The following GRM5 variants were observed in gnomAD, a reference collection of about 807,000 sequenced individuals.
GRM5 encodes glutamate metabotropic receptor 5.
Under a neutral mutation model 83.1 loss-of-function variants are expected in GRM5, and 19 were observed. The ratio of observed to expected loss-of-function variants is 0.23; its 90% CI spans 0.16 to 0.34. GRM5 has a LOEUF of 0.34. Ranked by LOEUF, GRM5 falls within the 10% of genes least tolerant of loss-of-function variation. GRM5 has a pLI of 1.00. For missense variants in GRM5, 1,160 were observed against 1,588.3 expected (o/e 0.73, Z 4.58); for synonymous variants, 675 against 633.6 (o/e 1.07, Z -0.98).
At chr11:88,948,110 C>A (rs1055671687) in intron 2 of GRM5, among the ~76,000 whole-genome samples, 1 of 152,052 alleles carries the variant, frequency 6.6e-6, no homozygotes, top group East Asian at 1.9e-4. Context: ...CCAGAGAAGT[C>A]CCGATTTTAT....
At chr11:88,900,149 GAT>G (rs1312755614) in intron 2 of GRM5, among the ~76,000 whole-genome samples, 1 of 152,086 alleles carries the variant, frequency 6.6e-6, no homozygotes, top group Non-Finnish European at 1.5e-5. Context: ...TTCTACCGTA[GAT>G]TGATAAAAAC....
At chr11:88,548,812 A>T (rs1354092871) in intron 8 of GRM5, among the ~76,000 whole-genome samples, 4 of 152,188 alleles carry the variant, frequency 2.6e-5, no homozygotes, top group African/African-American at 9.7e-5. Flanking sequence ...GTTGATTCAC[A>T]TTAAGGGAGG....
At chr11:88,654,231 G>A (rs1483136341) in intron 3 of GRM5, among the ~76,000 whole-genome samples, 1 of 152,078 alleles carries the variant, frequency 6.6e-6, no homozygotes. Flanking sequence ...TAATGCTAGA[G>A]GAGAGTATAA....
chr11:88,576,889 C>T (rs1453733826), intron 7 of GRM5, among the ~76,000 whole-genome samples: 1 of 152,124 alleles, frequency 6.6e-6, no homozygotes, highest in African/African-American at 2.4e-5. Context: ...TTTATCCTTG[C>T]TAGCTTGCCA....
At chr11:88,988,485 A>G (rs1410799351) in intron 2 of GRM5, among the ~76,000 whole-genome samples, 13 of 151,980 alleles carry the variant, frequency 8.6e-5, no homozygotes, top group African/African-American at 2.4e-4. Context: ...GCAGGCCAAC[A>G]TTCAGACTCA....
intron 2 of GRM5, among the ~76,000 whole-genome samples, chr11:88,982,095 T>A (rs1206502328): frequency 3.3e-5 from 5 of 152,234 alleles, no homozygotes; most frequent in African/African-American, 1.2e-4. Context: ...GGGTAACCAA[T>A]ATTTTTGCAA....
chr11:88,738,623 C>G (rs1044251717), intron 3 of GRM5, among the ~76,000 whole-genome samples: 1 of 152,050 alleles, frequency 6.6e-6, no homozygotes, highest in African/African-American at 2.4e-5. Flanking sequence ...ATGTTTAAAT[C>G]ACATAAAGTG....
chr11:88,508,708 A>G lies in GRM5; in HGVS notation c.3523T>C (p.Ser1175Pro). The change falls in exon 10 of 10, where the codon TCG becomes CCG. Residue 1175 changes from serine (S) to proline (P), a missense_variant. Coordinates refer to ENST00000305447, the MANE Select transcript of GRM5 (RefSeq NM_001143831.3). This position sits in a 1 kb window ranked among gnomAD's most constrained non-coding sequence, Gnocchi z 4.2. ...PPSPFRDSVD[S>P]GSTTPNSPVS... ...GGCGAGTTGGGGGTTGTGCTCCCCGAGTCCACCGAGTCTCTGAAGGGGGAC... is the reference window on the plus strand; with the variant it reads ...GGCGAGTTGGGGGTTGTGCTCCCCGGGTCCACCGAGTCTCTGAAGGGGGAC... 6.2e-7 allele frequency: 1 copy of G among 1,600,036 alleles called. No individual in the cohort carries two copies. Among genetic ancestry groups the G allele is most frequent in the Non-Finnish European group, 8.5e-7 (1 of 1,173,936 alleles).
chr11:88,981,838 G>A (rs1461401694), intron 2 of GRM5, among the ~76,000 whole-genome samples: 1 of 152,126 alleles, frequency 6.6e-6, no homozygotes, highest in Non-Finnish European at 1.5e-5. Context: ...ACAGCTATAA[G>A]GGTTAAATTA....
In GRM5 at chr11:89,028,318, C is replaced by T. The variant is rs1941180114; in HGVS notation, c.661+18894G>A. 2.0e-5 allele frequency among the ~76,000 whole-genome samples: 3 copies of T among 152,146 alleles called. No homozygotes were observed. The South Asian group carries it at 6.2e-4, about 32-fold the overall frequency. ...TCAAATTTTGGCAGACATGGTGGCT[C>T]CTGCCTGTAATGCCAACACTTTGGG... On this transcript the variant is annotated intron_variant, in intron 2 of 9. Coordinates refer to ENST00000305447, the MANE Select transcript of GRM5 (RefSeq NM_001143831.3).
chr11:88,665,303 A>C (rs759828510), intron 3 of GRM5, among the ~76,000 whole-genome samples: 2 of 152,020 alleles, frequency 1.3e-5, no homozygotes, highest in Non-Finnish European at 2.9e-5. Flanking sequence ...TGTATTGTTC[A>C]GTACCCTGTC....
chr11:88,590,536 C>CT (rs1937618368), intron 7 of GRM5, 65 bp downstream of exon 7: 22 of 1,326,198 alleles, frequency 1.7e-5, no homozygotes, highest in Non-Finnish European at 2.2e-5. Context: ...GGGATGTGAC[C>CT]CCCCTCTCCC....
intron 4 of GRM5, among the ~76,000 whole-genome samples, chr11:88,630,947 C>A (rs1938953775): frequency 6.6e-6 from 1 of 152,154 alleles, no homozygotes; most frequent in African/African-American, 2.4e-5. Flanking sequence ...ATAGAAGGCT[C>A]TCCTGTCTTC....
At chr11:88,722,368 A>G (rs1276454807) in intron 3 of GRM5, among the ~76,000 whole-genome samples, 7 of 151,942 alleles carry the variant, frequency 4.6e-5, no homozygotes, top group Admixed American at 3.3e-4. Context: ...TTCTGACACA[A>G]CTCCAACCTG....
chr11:88,765,126 C>T (rs1404165462), intron 3 of GRM5, among the ~76,000 whole-genome samples: 2 of 151,298 alleles, frequency 1.3e-5, no homozygotes, highest in Admixed American at 6.6e-5. Flanking sequence ...CTTACAAACA[C>T]ACAAAACCTC....
At chr11:89,011,312 T>G (rs962367732) in intron 2 of GRM5, among the ~76,000 whole-genome samples, 2 of 152,192 alleles carry the variant, frequency 1.3e-5, no homozygotes, top group African/African-American at 2.4e-5. Flanking sequence ...ATTTGAATTT[T>G]TTTGATGGTG....
At chr11:88,794,478 TG>T (rs1943237028) in intron 3 of GRM5, among the ~76,000 whole-genome samples, 1 of 152,172 alleles carries the variant, frequency 6.6e-6, no homozygotes, top group Non-Finnish European at 1.5e-5. Flanking sequence ...GAATAAATTA[TG>T]TGTTTTTATT....
chr11:88,612,690 G>A (rs1938357370), intron 4 of GRM5: 1 of 151,902 alleles, frequency 6.6e-6, no homozygotes, highest in African/African-American at 2.4e-5. Context: ...TCTCATTGTG[G>A]TTTTGATTTG....
At chr11:88,574,029 C>T (rs556922699) in intron 7 of GRM5, among the ~76,000 whole-genome samples, 2 of 152,254 alleles carry the variant, frequency 1.3e-5, no homozygotes, top group East Asian at 3.9e-4. Flanking sequence ...ACTCATTTCT[C>T]TCTGTAGCAC....
Sources: gnomAD v4.1 joint callset for allele counts (sites outside exome capture counted in the v4.1 genomes callset) on GRCh38, gnomAD v4.1.1 for gene constraint, Gnocchi (gnomAD v3.1) non-coding constraint, MANE v1.5 for transcripts, NCBI Gene and HGNC (gene_info 2026-07-23, HGNC 2026-07-21) for gene names.